The following KALRN variants were observed in gnomAD, a reference collection of about 807,000 sequenced individuals.
The protein encoded by KALRN is kalirin RhoGEF kinase, also known as kalirin.
In KALRN, 70 loss-of-function variants were observed where a neutral mutation model predicts 353.7. The ratio of observed to expected loss-of-function variants is 0.20; its 90% CI spans 0.16 to 0.24. KALRN has a LOEUF of 0.24. Ranked by LOEUF, KALRN falls within the 10% of genes least tolerant of loss-of-function variation. KALRN has a pLI of 1.00. For synonymous variants in KALRN, 1,391 were observed against 1,434.8 expected (o/e 0.97, Z 0.69); for missense variants, 2,791 against 3,756.7 (o/e 0.74, Z 6.72).
At chr3:124,086,820 C>T (rs1189251878) in intron 1 of KALRN, among the ~76,000 whole-genome samples, 2 of 152,168 alleles carry the variant, frequency 1.3e-5, no homozygotes, top group African/African-American at 2.4e-5. Flanking sequence ...TTCTCGGGAA[C>T]CCTCCCAGTA....
intron 1 of KALRN, among the ~76,000 whole-genome samples, chr3:124,212,467 T>C (rs549292122): frequency 2.6e-5 from 4 of 152,190 alleles, no homozygotes; most frequent in African/African-American, 4.8e-5. Flanking sequence ...TTGTAATGGC[T>C]GATTTGTATT....
chr3:124,458,439 A>G (rs1014068137), intron 23 of KALRN, among the ~76,000 whole-genome samples: 1 of 151,894 alleles, frequency 6.6e-6, no homozygotes, highest in African/African-American at 2.4e-5. Context: ...TCCTTTATCT[A>G]CAGCCCCCAC....
intron 3 of KALRN, among the ~76,000 whole-genome samples, chr3:124,246,571 T>C (rs1158910198): frequency 6.6e-6 from 1 of 152,194 alleles, no homozygotes; most frequent in East Asian, 1.9e-4. Flanking sequence ...ACCTCTTTTG[T>C]GTTTATCAGA....
At position 124,395,291 on chromosome 3, in the gene KALRN, A is replaced by G. The variant is rs1237023124; in HGVS notation, c.2119A>G (p.Ile707Val). 4 of 1,613,514 alleles carry G rather than the reference A, an allele frequency of 2.5e-6. No individual in the cohort carries two copies. In the East Asian group the frequency reaches 8.9e-5, roughly 36 times the overall value. The change falls in exon 12 of 60, where the codon ATC becomes GTC. Residue 707 changes from isoleucine (I) to valine (V), a missense_variant. By Grantham distance (29) the Ile-to-Val change is conservative. Transcript: ENST00000682506. ...LNVIKEGEDL[I>V]QQLRSAPPSL... Reference sequence around the variant, plus strand: ...TGTCATCAAGGAAGGCGAAGACCTTATCCAGCAGCTCAGGTCAGCGCCTCC... The same window carrying G: ...TGTCATCAAGGAAGGCGAAGACCTTGTCCAGCAGCTCAGGTCAGCGCCTCC...
At chr3:124,489,928 G>C (rs961998009) in intron 29 of KALRN, among the ~76,000 whole-genome samples, 5 of 152,294 alleles carry the variant, frequency 3.3e-5, no homozygotes, top group South Asian at 2.1e-4. Context: ...ACTGTTGAAG[G>C]CTTGTGCAAA....
At chr3:124,560,484 T>C (rs2071842144) in intron 33 of KALRN, among the ~76,000 whole-genome samples, 1 of 152,150 alleles carries the variant, frequency 6.6e-6, no homozygotes, top group South Asian at 2.1e-4. Flanking sequence ...TCAACAGCAA[T>C]AGAGAAAAAC....
At chr3:124,478,946 A>T (rs535382014) in intron 27 of KALRN, among the ~76,000 whole-genome samples, 1 of 152,124 alleles carries the variant, frequency 6.6e-6, no homozygotes, top group Non-Finnish European at 1.5e-5. Context: ...TCTCTTCAAA[A>T]TTCTTCCTAT....
chr3:124,534,364 G>C (rs1304893268), intron 33 of KALRN, among the ~76,000 whole-genome samples: 1 of 152,162 alleles, frequency 6.6e-6, no homozygotes, highest in African/African-American at 2.4e-5. Flanking sequence ...CACACACTGG[G>C]GCCAGTGGGG....
At chr3:124,574,538 C>T (rs1162477760) in intron 34 of KALRN, among the ~76,000 whole-genome samples, 2 of 152,090 alleles carry the variant, frequency 1.3e-5, no homozygotes, top group African/African-American at 4.8e-5. Context: ...TGATGGAGCT[C>T]AGAGCTAAAA....
At chr3:124,461,763 A>T (rs1473927873) in intron 23 of KALRN, 127 bp from the exon 24 acceptor site, 1 of 669,892 alleles carries the variant, frequency 1.5e-6, no homozygotes, top group Non-Finnish European at 2.6e-6. Flanking sequence ...AAAGGAAAAG[A>T]CCTGTTGATG....
intron 1 of KALRN, among the ~76,000 whole-genome samples, chr3:124,215,313 T>C (rs560930832): frequency 1.3e-5 from 2 of 152,246 alleles, no homozygotes; most frequent in South Asian, 4.2e-4. Context: ...CAATAAAAAT[T>C]CAGAGGACCC....
At chr3:124,699,707 A>G (rs187721691) in intron 55 of KALRN, among the ~76,000 whole-genome samples, 162 bp from the exon 56 acceptor site, 58 of 152,326 alleles carry the variant, frequency 3.8e-4, no homozygotes, top group Admixed American at 3.4e-3. Flanking sequence ...AACCGAATCC[A>G]AACTACCATA....
At chr3:124,573,710 C>T (rs1261483833) in intron 34 of KALRN, among the ~76,000 whole-genome samples, 2 of 152,118 alleles carry the variant, frequency 1.3e-5, no homozygotes, top group African/African-American at 2.4e-5. Context: ...TCTGCACTGG[C>T]TCCCTTCCCT....
At chr3:124,546,260 C>G (rs56367618) in intron 33 of KALRN, among the ~76,000 whole-genome samples, 1 of 145,820 alleles carries the variant, frequency 6.9e-6, no homozygotes, top group Non-Finnish European at 1.5e-5. Context: ...TCAAGACCAG[C>G]TCTGGCAACA....
At chr3:124,524,809 C>A (rs183074419) in intron 33 of KALRN, among the ~76,000 whole-genome samples, 3 of 152,244 alleles carry the variant, frequency 2.0e-5, no homozygotes, top group African/African-American at 7.2e-5. Flanking sequence ...ACTTATAATC[C>A]AGAAAGGAAG....
intron 8 of KALRN, among the ~76,000 whole-genome samples, chr3:124,331,864 G>C (rs900395452): frequency 6.6e-6 from 1 of 152,166 alleles, no homozygotes; most frequent in African/African-American, 2.4e-5. Flanking sequence ...AGCTGTCCAT[G>C]CTTCCTACAG....
At chr3:124,626,411 CTA>C (rs989203064) in intron 34 of KALRN, among the ~76,000 whole-genome samples, 1 of 152,088 alleles carries the variant, frequency 6.6e-6, no homozygotes, top group African/African-American at 2.4e-5. Context: ...AATGTTTACA[CTA>C]TATCTAGGTG....
intron 49 of KALRN, among the ~76,000 whole-genome samples, chr3:124,676,756 G>A (rs565761416): frequency 7.0e-4 from 106 of 152,302 alleles, no homozygotes; most frequent in African/African-American, 2.5e-3. Flanking sequence ...AAGGAGCCAG[G>A]GACATGGGTT....
rs187376448 is a variant in KALRN, at chr3:124,120,523, G to A, written c.73+86710G>A. Among the ~76,000 whole-genome samples the A allele has an allele frequency of 2.2e-4, 33 of 151,964 alleles. No homozygotes were observed. In the East Asian group the frequency reaches 5.6e-3, roughly 26 times the overall value. On this transcript the variant is annotated intron_variant, in intron 1 of 59. Coordinates refer to ENST00000682506, the MANE Select transcript of KALRN (RefSeq NM_001388419.1). Reference sequence around the variant, plus strand: ...TTAGACTTCCCATTTTCTAAATCTAGAGTGCGATTAATGGTATAAATGTAG... The same window carrying A: ...TTAGACTTCCCATTTTCTAAATCTAAAGTGCGATTAATGGTATAAATGTAG...
Sources: gnomAD v4.1 joint callset for allele counts (sites outside exome capture counted in the v4.1 genomes callset) on GRCh38, gnomAD v4.1.1 for gene constraint, MANE v1.5 for transcripts, NCBI Gene and HGNC (gene_info 2026-07-23, HGNC 2026-07-21) for gene names.